Variants in UPF2 observed in about 807,000 individuals in gnomAD.
The protein encoded by UPF2 is regulator of nonsense transcripts 2.
Under a neutral mutation model 141.4 loss-of-function variants are expected in UPF2, and 17 were observed. The observed-to-expected ratio is 0.12, with a 90% CI of 0.08 to 0.18. The LOEUF (loss-of-function observed/expected upper bound fraction) is 0.18. Among genes scored for constraint, UPF2 ranks in the 10% least tolerant of loss-of-function variants. The probability of loss-of-function intolerance (pLI) is 1.00; values close to 1 mark genes in which losing one functional copy is unlikely to be tolerated. For synonymous variants in UPF2, 540 were observed against 498.0 expected, an observed-to-expected ratio of 1.08 and a Z score of -1.12; for missense variants, 1,152 against 1,515.9, an observed-to-expected ratio of 0.76 and a Z score of 3.99.
chr10:12,035,148 TTCC>T lies in UPF2; in HGVS notation c.273_275del (p.Glu93del), dbSNP rs1454318665. 6.2e-7 allele frequency: 1 copy of T among 1,603,552 alleles called. No individual in the cohort carries two copies. The highest frequency in any genetic ancestry group is 8.5e-7 in the Non-Finnish European group (1 of 1,177,918). On this transcript the variant is annotated inframe_deletion, in exon 2 of 22. Transcript: ENST00000357604. ...CTTCCTCTTGATGTTTCTTTTTTTC[TTCC>T]TCTTCTTTTTTCTTTGATTCTTCCT...
chr10:12,032,649 G>C (rs1262827612), intron 2 of UPF2, among the ~76,000 whole-genome samples: 1 of 150,980 alleles, frequency 6.6e-6, no homozygotes, highest in African/African-American at 2.4e-5. Context: ...GAGGCGGGAG[G>C]ATCACTTGAG....
Position 12,000,116 on chromosome 10 carries a change from T to G in UPF2, c.1655-107A>C, listed in dbSNP as rs545882473. On this transcript the variant is annotated intron_variant, in intron 6 of 21. Coordinates refer to ENST00000357604, the MANE Select transcript of UPF2 (RefSeq NM_015542.4). Reference sequence around the variant, plus strand: ...AATAGATAATCTAGACCAATTTTTGTGCCCAGGAAAACATTAGTCATTTTT... The same window carrying G: ...AATAGATAATCTAGACCAATTTTTGGGCCCAGGAAAACATTAGTCATTTTT... 4.0e-5 allele frequency: 36 copies of G among 909,058 alleles called. No homozygotes were observed. In the South Asian group the frequency reaches 5.3e-4, roughly 13 times the overall value. 56.3% of individuals were successfully genotyped at this position (909,058 alleles called of 1,614,324 possible). A position where few individuals can be genotyped will look rare whatever the true frequency, so the allele number is the denominator to read the frequency against.
Position 11,955,463 on chromosome 10 carries a change from C to G in UPF2, c.2619G>C (p.Lys873Asn), listed in dbSNP as rs781330543. 2 of 1,614,044 alleles carry G rather than the reference C, an allele frequency of 1.2e-6. No individual in the cohort carries two copies. The highest frequency in any genetic ancestry group is 1.7e-6 in the Non-Finnish European group (2 of 1,179,976). The change falls in exon 14 of 22, where the codon AAG (lysine) becomes AAC (asparagine). Residue 873 changes from lysine to asparagine, a missense_variant. Around this residue, in one of 4 missense-constraint regions of UPF2, gnomAD observed 739 missense variants for 1,032.2 expected, o/e 0.72. Coordinates refer to ENST00000357604, the MANE Select transcript of UPF2 (RefSeq NM_015542.4). ...KFNQRRISSA[K>N]FLGELYNYRM... ...GGTAATTGTAAAGTTCTCCTAAGAA[C>G]TTGGCACTGCTGATGCGCCTCTGAT...
chr10:11,975,177 C>T (rs776133838), intron 9 of UPF2, among the ~76,000 whole-genome samples: 42 of 152,118 alleles, frequency 2.8e-4, no homozygotes, highest in Non-Finnish European at 3.5e-4. Flanking sequence ...AGGAGGATTG[C>T]GTGAGTCCAG....
At position 12,018,586 on chromosome 10, in the gene UPF2, CA is replaced by C. The variant is rs111647918; in HGVS notation, c.1146-4403del. Among the ~76,000 whole-genome samples the C allele has an allele frequency of 1.8e-3, 260 of 144,626 alleles. 1 individual carries two copies. Among genetic ancestry groups the C allele is most frequent in the African/African-American group, 6.0e-3 (236 of 39,374 alleles). 94.9% of individuals were successfully genotyped at this position (144,626 alleles called of 152,430 possible). ...ACAGAGCAAGACTCCATCTCAAAAA[CA>C]AAAAAAAAACAAAAATTAGTTGGAT... On this transcript the variant is annotated intron_variant, in intron 3 of 21. Coordinates refer to ENST00000357604, the MANE Select transcript of UPF2 (RefSeq NM_015542.4).
intron 3 of UPF2, among the ~76,000 whole-genome samples, chr10:12,017,340 G>A (rs1834240481): frequency 6.6e-6 from 1 of 152,192 alleles, no homozygotes; most frequent in Non-Finnish European, 1.5e-5. Flanking sequence ...CCAGTCCATT[G>A]AGATACATAA....
At chr10:11,922,615 T>C (rs951537166) in intron 21 of UPF2, among the ~76,000 whole-genome samples, 1 of 152,174 alleles carries the variant, frequency 6.6e-6, no homozygotes, top group Non-Finnish European at 1.5e-5. Flanking sequence ...AAGGTGTCAT[T>C]TGACTGGTTT....
intron 2 of UPF2, among the ~76,000 whole-genome samples, chr10:12,029,867 C>T (rs1023368977): frequency 2.0e-5 from 3 of 150,142 alleles, no homozygotes; most frequent in Non-Finnish European, 4.4e-5. Flanking sequence ...GAGGCTGAGG[C>T]ACAACACTTA....
rs983431480 is a variant in UPF2, at chr10:12,035,424, TATGTG to T, written c.-6_-2del. 6.4e-7 allele frequency: 1 copy of T among 1,568,650 alleles called. No individual in the cohort carries two copies. Among genetic ancestry groups the T allele is most frequent in the Non-Finnish European group, 8.6e-7 (1 of 1,164,020 alleles). On this transcript the variant is annotated 5_prime_UTR_variant, in exon 2 of 22. Transcript: ENST00000357604. ...CTGGCTTTTTACGCTCAGCTGGCATTATGTGACCCAGGACAATCTGTAAGAGGGAA... is the reference window on the plus strand; with the variant it reads ...CTGGCTTTTTACGCTCAGCTGGCATTACCCAGGACAATCTGTAAGAGGGAA...
chr10:11,974,890 T>G (rs1441575296), intron 9 of UPF2, among the ~76,000 whole-genome samples: 2 of 152,188 alleles, frequency 1.3e-5, no homozygotes, highest in Non-Finnish European at 2.9e-5. Context: ...ATTTATATGT[T>G]TTATCTCACA....
chr10:11,999,350 A>G (rs1025969977), intron 7 of UPF2, among the ~76,000 whole-genome samples: 3 of 151,934 alleles, frequency 2.0e-5, no homozygotes, highest in East Asian at 1.9e-4. Flanking sequence ...TGTCTCTACT[A>G]AAAATACAAA....
At chr10:11,930,120 AC>A in intron 20 of UPF2, 135 bp from the exon 21 acceptor site, 1 of 1,236,664 alleles carries the variant, frequency 8.1e-7, no homozygotes. Flanking sequence ...TAGCCATTAT[AC>A]AGACTAAAAT....
intron 21 of UPF2, among the ~76,000 whole-genome samples, chr10:11,927,063 T>G (rs879215341): frequency 6.6e-6 from 1 of 152,318 alleles, no homozygotes; most frequent in Admixed American, 6.5e-5. Flanking sequence ...GGTGGAATTA[T>G]CTTTCAAGTA....
At chr10:11,990,229 G>A (rs755098425) in intron 8 of UPF2, among the ~76,000 whole-genome samples, 3 of 152,138 alleles carry the variant, frequency 2.0e-5, no homozygotes, top group Admixed American at 1.3e-4. Flanking sequence ...AACACATATT[G>A]TTTCTCTATA....
chr10:12,022,312 T>C (rs1834331978), intron 3 of UPF2, among the ~76,000 whole-genome samples: 1 of 150,736 alleles, frequency 6.6e-6, no homozygotes, highest in Admixed American at 6.7e-5. Flanking sequence ...CTTGGGAGGC[T>C]GAGGCAGGAG....
intron 5 of UPF2, among the ~76,000 whole-genome samples, chr10:12,002,667 A>T (rs1042131097): frequency 3.3e-5 from 5 of 152,242 alleles, no homozygotes; most frequent in African/African-American, 1.2e-4. Flanking sequence ...GAAAACCAAA[A>T]AATGAAACAC....
chr10:12,018,411 T>C (rs779625855), intron 3 of UPF2, among the ~76,000 whole-genome samples: 1 of 152,020 alleles, frequency 6.6e-6, no homozygotes, highest in Non-Finnish European at 1.5e-5. Context: ...TGAAACTCCA[T>C]CTCTGCTAAA....
At chr10:12,027,424 T>C (rs1028270784) in intron 3 of UPF2, among the ~76,000 whole-genome samples, 1 of 152,176 alleles carries the variant, frequency 6.6e-6, no homozygotes, top group Non-Finnish European at 1.5e-5. Flanking sequence ...TATGATGTAT[T>C]AGGTAGGATG....
chr10:11,964,187 T>C, intron 10 of UPF2, 62 bp from the exon 11 acceptor site: 2 of 1,242,668 alleles, frequency 1.6e-6, no homozygotes, highest in Non-Finnish European at 2.3e-6. Context: ...AGAGAAGAAA[T>C]TATCATACAT....
Sources: allele counts gnomAD v4.1 joint callset (sites outside exome capture counted in the v4.1 genomes callset), GRCh38; gene constraint gnomAD v4.1.1; regional missense constraint gnomAD v4.1.1; transcripts MANE v1.5; gene names NCBI Gene and HGNC (gene_info 2026-07-23, HGNC 2026-07-21).